CYP2C19: variants seen among roughly 807,000 people sequenced by gnomAD.
CYP2C19 encodes cytochrome P450 2C19.
Under a neutral mutation model 40.9 loss-of-function variants are expected in CYP2C19, and 59 were observed. That is an observed-to-expected ratio of 1.44 (90% CI 1.17 to 1.79). CYP2C19 has a LOEUF of 1.79. CYP2C19 is among the 40% of genes most tolerant of loss of function. The pLI, the probability that CYP2C19 is intolerant of heterozygous loss-of-function variation, is 0.00. For synonymous variants in CYP2C19, 253 were observed against 208.7 expected (o/e 1.21, Z -1.83); for missense variants, 754 against 596.9 (o/e 1.26, Z -2.74).
Position 94,775,309 on chromosome 10 carries a change from C to T in CYP2C19, c.332-81C>T, listed in dbSNP as rs1848392273. 3.7e-6 allele frequency: 6 copies of T among 1,612,308 alleles called. No homozygotes were observed. In the East Asian group the frequency reaches 1.1e-4, roughly 30 times the overall value. ...GCAGAGCTTCTCGGGCAGAGCTTGG[C>T]CCATCCACATGGCTGCCCAGTGTCA... is the stretch of plus-strand genomic sequence containing the variant. On this transcript the variant is annotated intron_variant, in intron 2 of 8. Transcript: ENST00000371321.
intron 5 of CYP2C19, among the ~76,000 whole-genome samples, chr10:94,784,106 G>A (rs1253608248): frequency 6.6e-6 from 1 of 151,966 alleles, no homozygotes; most frequent in Non-Finnish European, 1.5e-5. Context: ...TCTTTTTTCT[G>A]TCTCTATGGG....
intron 5 of CYP2C19, among the ~76,000 whole-genome samples, chr10:94,799,227 G>C (rs552169888): frequency 2.0e-5 from 3 of 151,994 alleles, no homozygotes; most frequent in Non-Finnish European, 4.4e-5. Context: ...GCATTTGCTT[G>C]TCTATAAAGG....
chr10:94,794,998 T>A (rs1257737553), intron 5 of CYP2C19, among the ~76,000 whole-genome samples: 1 of 151,866 alleles, frequency 6.6e-6, no homozygotes, highest in East Asian at 1.9e-4. Flanking sequence ...TTTCTTTATA[T>A]ATGTAAATAT....
intron 6 of CYP2C19, 136 bp downstream of exon 6, chr10:94,820,773 T>G: frequency 1.8e-6 from 2 of 1,115,006 alleles, no homozygotes; most frequent in Non-Finnish European, 2.6e-6. Context: ...TCTGTCCCAA[T>G]TTAATGGTGT....
intron 6 of CYP2C19, among the ~76,000 whole-genome samples, chr10:94,828,807 G>T (rs1297731008): frequency 2.6e-5 from 4 of 152,136 alleles, no homozygotes; most frequent in Admixed American, 6.5e-5. Flanking sequence ...GGTACCGGTT[G>T]TTCCTTTCCA....
At chr10:94,801,359 T>A (rs1485150898) in intron 5 of CYP2C19, among the ~76,000 whole-genome samples, 2 of 152,210 alleles carry the variant, frequency 1.3e-5, no homozygotes, top group Non-Finnish European at 2.9e-5. Flanking sequence ...TACTCAGTAG[T>A]CATTCAGGAG....
intron 6 of CYP2C19, among the ~76,000 whole-genome samples, chr10:94,822,707 C>G (rs1371749836): frequency 6.6e-6 from 1 of 152,122 alleles, no homozygotes; most frequent in South Asian, 2.1e-4. Flanking sequence ...AAAGCATTTT[C>G]TTTTGTCTGC....
At chr10:94,791,150 T>G (rs942391456) in intron 5 of CYP2C19, among the ~76,000 whole-genome samples, 10 of 152,174 alleles carry the variant, frequency 6.6e-5, no homozygotes, top group Admixed American at 6.5e-4. Context: ...CTAGTTTATT[T>G]GCGTAGAGGT....
In CYP2C19 at chr10:94,796,098, C is replaced by T. The variant is rs534835962; in HGVS notation, c.819+14101C>T. ...CATGCCAATGTCCTGAATGGTATTG[C>T]CTAGGTTTTCTTCTAGGGTTTTTAT... On this transcript the variant is annotated intron_variant, in intron 5 of 8. Coordinates refer to ENST00000371321, the MANE Select transcript of CYP2C19 (RefSeq NM_000769.4). 3.3e-3 allele frequency among the ~76,000 whole-genome samples: 508 copies of T among 152,184 alleles called. 4 individuals carry two copies. Among genetic ancestry groups the T allele is most frequent in the African/African-American group, 0.012 (493 of 41,528 alleles).
intron 7 of CYP2C19, among the ~76,000 whole-genome samples, chr10:94,847,921 GTTGT>G (rs1467073082): frequency 6.6e-6 from 1 of 152,084 alleles, no homozygotes; most frequent in Non-Finnish European, 1.5e-5. Context: ...TTTTGATGCG[GTTGT>G]TTGTTTTTTT....
chr10:94,775,671 T>A, intron 3 of CYP2C19, 132 bp downstream of exon 3: 1 of 1,512,554 alleles, frequency 6.6e-7, no homozygotes, highest in Non-Finnish European at 9.1e-7. Context: ...GAAGCAGGGT[T>A]TGAAGCTGAG....
At chr10:94,771,763 A>G (rs1169880869) in intron 1 of CYP2C19, among the ~76,000 whole-genome samples, 1 of 152,130 alleles carries the variant, frequency 6.6e-6, no homozygotes, top group African/African-American at 2.4e-5. Flanking sequence ...GCACTCACTG[A>G]TGCAGCAGCA....
rs202118593 is a variant in CYP2C19, at chr10:94,802,305, G to C, written c.820-18191G>C. ...AGTCCCCACCCAACCCAGAAGTCCA[G>C]CTGGCTTCACCTCTCACCTTTACCA... On this transcript the variant is annotated intron_variant, in intron 5 of 8. Coordinates refer to ENST00000371321, the MANE Select transcript of CYP2C19 (RefSeq NM_000769.4). 7.9e-5 allele frequency among the ~76,000 whole-genome samples: 12 copies of C among 152,136 alleles called. No homozygotes were observed. In the East Asian group the frequency reaches 1.9e-3, roughly 24 times the overall value.
intron 5 of CYP2C19, among the ~76,000 whole-genome samples, chr10:94,806,199 C>T (rs1371441727): frequency 6.6e-6 from 1 of 152,106 alleles, no homozygotes; most frequent in Admixed American, 6.6e-5. Context: ...ATGTTATGTT[C>T]TCAGGGTTCA....
At chr10:94,849,222 A>G (rs1339820517) in intron 7 of CYP2C19, among the ~76,000 whole-genome samples, 5 of 152,298 alleles carry the variant, frequency 3.3e-5, no homozygotes, top group South Asian at 2.1e-4. Flanking sequence ...GCAGGAGTGG[A>G]CAGGCACTAA....
intron 5 of CYP2C19, among the ~76,000 whole-genome samples, chr10:94,809,054 AT>A (rs1848876509): frequency 6.6e-6 from 1 of 152,152 alleles, no homozygotes; most frequent in African/African-American, 2.4e-5. Flanking sequence ...TCCACAAAAA[AT>A]ATATGAGGGT....
intron 6 of CYP2C19, among the ~76,000 whole-genome samples, chr10:94,823,764 T>A (rs1849166118): frequency 6.6e-6 from 1 of 152,198 alleles, no homozygotes; most frequent in Non-Finnish European, 1.5e-5. Context: ...TTTGCCAAAA[T>A]TTTACCTTCT....
intron 5 of CYP2C19, among the ~76,000 whole-genome samples, chr10:94,782,316 TA>T (rs751751142): frequency 6.6e-6 from 1 of 151,560 alleles, no homozygotes; most frequent in East Asian, 1.9e-4. Flanking sequence ...TAAAAGAAAA[TA>T]AAAAACATCT....
At chr10:94,799,960 CT>C (rs1405128743) in intron 5 of CYP2C19, among the ~76,000 whole-genome samples, 6 of 152,030 alleles carry the variant, frequency 3.9e-5, no homozygotes, top group Non-Finnish European at 7.4e-5. Context: ...GCTCCTTTAG[CT>C]TGGAGAAGTT....
Sources: gnomAD v4.1 joint callset for allele counts (sites outside exome capture counted in the v4.1 genomes callset) on GRCh38, gnomAD v4.1.1 for gene constraint, MANE v1.5 for transcripts, NCBI Gene and HGNC (gene_info 2026-07-23, HGNC 2026-07-21) for gene names.